Variants in FAM181A observed in about 807,000 individuals in gnomAD.
FAM181A encodes family with sequence similarity 181 member A.
FAM181A carries 7 observed loss-of-function variants against 16.3 expected under a neutral mutation model. That is an observed-to-expected ratio of 0.43 (90% CI 0.24 to 0.81). The LOEUF is 0.81. Among genes scored for constraint, FAM181A ranks in the 30% least tolerant of loss-of-function variants. FAM181A has a pLI of 0.24. For missense variants in FAM181A, 349 were observed against 377.5 expected (o/e 0.92, Z 0.63); for synonymous variants, 183 against 164.9 (o/e 1.11, Z -0.84).
rs748931023 is a variant in FAM181A, at chr14:93,929,092, C to A, written c.807C>A (p.Pro269=). The change falls in exon 2 of 2, where the codon CCC becomes CCA. Residue 269 remains proline, a synonymous_variant. Coordinates refer to ENST00000556222, the MANE Select transcript of FAM181A (RefSeq NM_001207073.2). ...VDGLGQKVCR[P]VVLKPIPTKP... ...GCCTGGGGCAGAAGGTGTGCAGGCC[C>A]GTGGTGCTGAAACCCATCCCCACCA... 12 of 1,546,714 alleles carry A rather than the reference C, an allele frequency of 7.8e-6. No homozygotes were observed. In the Admixed American group the frequency reaches 2.3e-4, roughly 30 times the overall value.
At chr14:93,921,006 T>C (rs754448790) in intron 1 of FAM181A, among the ~76,000 whole-genome samples, 1 of 152,218 alleles carries the variant, frequency 6.6e-6, no homozygotes, top group Non-Finnish European at 1.5e-5. Context: ...CTCAGATTTA[T>C]ACTAGGAAAA....
upstream of FAM181A, chr14:93,926,213 G>A (rs1887900344): frequency 6.6e-6 from 1 of 152,482 alleles, no homozygotes; most frequent in African/African-American, 2.4e-5. The surrounding 1 kb of genome is among the most constrained non-coding windows in gnomAD (Gnocchi z 5.2). Flanking sequence ...CCCGTGAGCT[G>A]GGCTGGCACG....
In FAM181A at chr14:93,927,468, C is replaced by A; in HGVS notation, c.-88+14C>A. On this transcript the variant is annotated intron_variant, in intron 1 of 1. Transcript: ENST00000556222. ...GCCGCACCTTCGGTCAGTGTGGAGGCCCGGTGGCTCTGGCCCGACTGGGTG... is the reference window on the plus strand; with the variant it reads ...GCCGCACCTTCGGTCAGTGTGGAGGACCGGTGGCTCTGGCCCGACTGGGTG... 8.0e-7 allele frequency: 1 copy of A among 1,245,304 alleles called. No homozygotes were observed. The highest frequency in any genetic ancestry group is 1.0e-6 in the Non-Finnish European group (1 of 963,536). 77.1% of individuals were successfully genotyped at this position (1,245,304 alleles called of 1,614,324 possible). A position where few individuals can be genotyped will look rare whatever the true frequency, so the allele number is the denominator to read the frequency against.
upstream of FAM181A, among the ~76,000 whole-genome samples, chr14:93,925,674 T>C (rs1198922542): frequency 2.0e-5 from 3 of 151,588 alleles, no homozygotes; most frequent in African/African-American, 4.8e-5. Context: ...CCAGGGCACG[T>C]AGTGGCCAAC....
rs1219695260 is a variant in FAM181A at position 93,920,032 on chromosome 14, A to C, written c.-225+1038A>C. 2.0e-5 allele frequency among the ~76,000 whole-genome samples: 3 copies of C among 152,246 alleles called. No homozygotes were observed. In the South Asian group the frequency reaches 6.2e-4, roughly 32 times the overall value. ...TAAAAATAAAAAATAAAAAATAAAA[A>C]AAGAGCTGGTTCTTTAAACAGATCA... is the stretch of plus-strand genomic sequence containing the variant. On this transcript the variant is annotated intron_variant, in intron 1 of 2. Coordinates refer to the FAM181A transcript ENST00000267594.
At chr14:93,923,475 G>T (rs1887798926), upstream of FAM181A, 1 of 152,246 alleles carries the variant, frequency 6.6e-6, no homozygotes, top group Non-Finnish European at 1.5e-5. Context: ...AGAGGTTCTG[G>T]AGGGGTGGCT....
In FAM181A at chr14:93,927,454, G is replaced by C; in HGVS notation, c.-88G>C. 1 of 1,232,256 alleles carries C rather than the reference G, an allele frequency of 8.1e-7. No homozygotes were observed. Among genetic ancestry groups the C allele is most frequent in the Non-Finnish European group, 1.0e-6 (1 of 955,462 alleles). The allele number at this position is 1,232,256 out of a possible 1,614,324, so 76.3% of individuals were successfully genotyped here. The stretch of plus-strand genomic sequence containing the variant: ...TTGGTGGGGCCTGGGCCGCACCTTC[G>C]GTCAGTGTGGAGGCCCGGTGGCTCT... On this transcript the variant is annotated splice_region_variant and 5_prime_UTR_variant, in exon 1 of 2. Transcript: ENST00000556222.
At chr14:93,928,152 G>T in intron 1 of FAM181A, 47 bp from the exon 2 acceptor site, 1 of 1,590,098 alleles carries the variant, frequency 6.3e-7, no homozygotes, top group South Asian at 1.1e-5. Context: ...TGGGAGGGCT[G>T]GGTGTGGTTG....
In FAM181A at chr14:93,928,546, C is replaced by T; in HGVS notation, c.261C>T (p.Ser87=). The T allele has an allele frequency of 6.2e-7, 1 of 1,612,734 alleles. No individual in the cohort carries two copies. Among genetic ancestry groups the T allele is most frequent in the Non-Finnish European group, 8.5e-7 (1 of 1,179,160 alleles). Residue 87 remains serine, a synonymous_variant, in exon 2 of 2, where the codon TCC becomes TCT. Coordinates refer to ENST00000556222, the MANE Select transcript of FAM181A (RefSeq NM_001207073.2). ...RRLLLDLGPD[S]SPGGGGGCKE... Reference sequence around the variant, plus strand: ...TGCTCCTGGATTTGGGCCCTGATTCCAGCCCCGGCGGGGGTGGGGGCTGCA... The same window carrying T: ...TGCTCCTGGATTTGGGCCCTGATTCTAGCCCCGGCGGGGGTGGGGGCTGCA...
Position 93,928,434 on chromosome 14 carries a change from A to G in FAM181A, c.149A>G (p.Gln50Arg), listed in dbSNP as rs777310102. ...CAGAAGCAGCTCAAGCGCTTCTCCC[A>G]GAAGTATTCCCGGCTCCCGCGGGGC... Reference protein sequence around the residue: ...YLQKQLKRFSQKYSRLPRGLP... With the variant: ...YLQKQLKRFSRKYSRLPRGLP... Residue 50 changes from glutamine to arginine, a missense_variant, in exon 2 of 2, where the codon CAG becomes CGG. Coordinates refer to ENST00000556222, the MANE Select transcript of FAM181A (RefSeq NM_001207073.2). The G allele has an allele frequency of 4.8e-5, 78 of 1,612,878 alleles. No homozygotes were observed. Among genetic ancestry groups the G allele is most frequent in the Non-Finnish European group, 5.9e-5 (69 of 1,179,254 alleles).
upstream of FAM181A, chr14:93,926,956 G>T: frequency 6.5e-6 from 1 of 153,242 alleles, no homozygotes; most frequent in Non-Finnish European, 1.5e-5. The surrounding 1 kb of genome is among the most constrained non-coding windows in gnomAD (Gnocchi z 5.2). Flanking sequence ...GGCAGCTGTA[G>T]GCCTGGAGTC....
intron 1 of FAM181A, among the ~76,000 whole-genome samples, chr14:93,919,833 A>G (rs1255438837): frequency 6.6e-6 from 1 of 152,192 alleles, no homozygotes; most frequent in Non-Finnish European, 1.5e-5. Flanking sequence ...AGCAGTGCTG[A>G]GAGGAAATTT....
intron 1 of FAM181A, among the ~76,000 whole-genome samples, chr14:93,921,756 G>A (rs141518353): frequency 1.3e-3 from 197 of 152,116 alleles, no homozygotes; most frequent in Middle Eastern, 0.01. Flanking sequence ...GGCTAGCAAG[G>A]CCCCTGGGAG....
In FAM181A at chr14:93,929,090, C is replaced by T; in HGVS notation, c.805C>T (p.Pro269Ser). 6.5e-7 allele frequency: 1 copy of T among 1,547,922 alleles called. No homozygotes were observed. Residue 269 changes from proline (P) to serine (S), a missense_variant, in exon 2 of 2, where the codon CCC becomes TCC. Transcript: ENST00000556222. Reference protein sequence around the residue: ...VDGLGQKVCRPVVLKPIPTKP... With the variant: ...VDGLGQKVCRSVVLKPIPTKP... ...CGGCCTGGGGCAGAAGGTGTGCAGG[C>T]CCGTGGTGCTGAAACCCATCCCCAC...
In FAM181A at chr14:93,928,941, A is replaced by C; in HGVS notation, c.656A>C (p.His219Pro). The change falls in exon 2 of 2, where the codon CAT (histidine) becomes CCT (proline). Residue 219 changes from histidine (H) to proline (P), a missense_variant. By Grantham distance (77) the His-to-Pro change is moderately conservative. Coordinates refer to ENST00000556222, the MANE Select transcript of FAM181A (RefSeq NM_001207073.2). ...NAWSCCPFQY[H>P]GQPIYPGPLG... ...TGGAGTTGCTGCCCCTTCCAGTACC[A>C]TGGACAGCCCATCTATCCGGGCCCC... 6.2e-7 allele frequency: 1 copy of C among 1,614,040 alleles called. No individual in the cohort carries two copies. The highest frequency in any genetic ancestry group is 8.5e-7 in the Non-Finnish European group (1 of 1,179,988).
At position 93,928,376 on chromosome 14, in the gene FAM181A, T is replaced by C. The variant is rs201538767; in HGVS notation, c.91T>C (p.Cys31Arg). The C allele has an allele frequency of 2.5e-6, 4 of 1,613,774 alleles. No homozygotes were observed. ...IKAALDKSAPCRRSVDHRKYL... is the reference protein window; with the variant it reads ...IKAALDKSAPRRRSVDHRKYL... ...GGCAGCCCTGGATAAGTCCGCACCC[T>C]GCCGCCGCTCCGTGGACCATCGCAA... is the stretch of plus-strand genomic sequence containing the variant. The change falls in exon 2 of 2, where the codon TGC becomes CGC. Residue 31 changes from cysteine (C) to arginine (R), a missense_variant. By Grantham distance (180) the Cys-to-Arg change is radical. Coordinates refer to ENST00000556222, the MANE Select transcript of FAM181A (RefSeq NM_001207073.2).
upstream of FAM181A, among the ~76,000 whole-genome samples, chr14:93,924,295 T>C (rs903047402): frequency 6.6e-6 from 1 of 152,152 alleles, no homozygotes; most frequent in African/African-American, 2.4e-5. Context: ...AGGGGGTGTT[T>C]GAGCTGGGCC....
chr14:93,928,913 G>A lies in FAM181A; in HGVS notation c.628G>A (p.Ala210Thr). ...GGTCTCCTTGGTGGGCCGCGTCAATGCCTGGAGTTGCTGCCCCTTCCAGTA... is the reference window on the plus strand; with the variant it reads ...GGTCTCCTTGGTGGGCCGCGTCAATACCTGGAGTTGCTGCCCCTTCCAGTA... Reference protein sequence around the residue: ...PGVSLVGRVNAWSCCPFQYHG... With the variant: ...PGVSLVGRVNTWSCCPFQYHG... Residue 210 changes from alanine to threonine, a missense_variant, in exon 2 of 2, where the codon GCC becomes ACC. By Grantham distance (58) the Ala-to-Thr change is moderately conservative. Coordinates refer to ENST00000556222, the MANE Select transcript of FAM181A (RefSeq NM_001207073.2). The A allele has an allele frequency of 1.2e-6, 2 of 1,614,194 alleles. No individual in the cohort carries two copies. The highest frequency in any genetic ancestry group is 1.3e-5 in the African/African-American group (1 of 75,062).
In FAM181A at chr14:93,929,207, G is replaced by A. The variant is rs1360126005; in HGVS notation, c.*43G>A. 1.3e-6 allele frequency: 2 copies of A among 1,502,190 alleles called. No homozygotes were observed. The highest frequency in any genetic ancestry group is 1.8e-4 in the Middle Eastern group (1 of 5,568). 93.1% of individuals were successfully genotyped at this position (1,502,190 alleles called of 1,614,324 possible). A position where few individuals can be genotyped will look rare whatever the true frequency, so the allele number is the denominator to read the frequency against. ...CAGCCCCCACCTCTGGCCTGCAGGAGTGTCGAGGTCCCCGAGGCGCTCTCC... is the reference window on the plus strand; with the variant it reads ...CAGCCCCCACCTCTGGCCTGCAGGAATGTCGAGGTCCCCGAGGCGCTCTCC... On this transcript the variant is annotated 3_prime_UTR_variant, in exon 2 of 2. Coordinates refer to ENST00000556222, the MANE Select transcript of FAM181A (RefSeq NM_001207073.2).
Sources: gnomAD v4.1 joint callset for allele counts (sites outside exome capture counted in the v4.1 genomes callset) on GRCh38, gnomAD v4.1.1 for gene constraint, Gnocchi (gnomAD v3.1) non-coding constraint, MANE v1.5 for transcripts, NCBI Gene and HGNC (gene_info 2026-07-23, HGNC 2026-07-21) for gene names.